LHFPL6: variants seen among roughly 807,000 people sequenced by gnomAD.
LHFPL6 encodes LHFPL tetraspan subfamily member 6.
In LHFPL6, 9 loss-of-function variants were observed where a neutral mutation model predicts 20.6. The ratio of observed to expected loss-of-function variants is 0.44; its 90% CI spans 0.26 to 0.76. The LOEUF is 0.76. LHFPL6 is among the 30% of genes least tolerant of loss of function. The pLI is 0.20. For synonymous variants in LHFPL6, 105 were observed against 98.7 expected (o/e 1.06, Z -0.38); for missense variants, 218 against 253.5 (o/e 0.86, Z 0.95).
chr13:39,357,121 G>A (rs1460402605), intron 3 of LHFPL6, among the ~76,000 whole-genome samples: 3 of 152,128 alleles, frequency 2.0e-5, no homozygotes, highest in East Asian at 1.9e-4. Context: ...GCAGTGAGCC[G>A]AGATGGTGCC....
chr13:39,520,684 C>T (rs954381038), intron 2 of LHFPL6, among the ~76,000 whole-genome samples: 13 of 152,110 alleles, frequency 8.5e-5, no homozygotes, highest in Admixed American at 4.6e-4. Context: ...AGCCATGTCA[C>T]GGCCAGACAA....
chr13:39,379,782 T>C (rs1254945935), intron 2 of LHFPL6, among the ~76,000 whole-genome samples: 2 of 152,230 alleles, frequency 1.3e-5, no homozygotes, highest in Non-Finnish European at 1.5e-5. Context: ...CCCATCCTGA[T>C]ACATTTCCTA....
chr13:39,433,554 C>T (rs1047917477), intron 2 of LHFPL6, among the ~76,000 whole-genome samples: 3 of 152,154 alleles, frequency 2.0e-5, no homozygotes, highest in Non-Finnish European at 4.4e-5. Context: ...TGGACATGTA[C>T]ATCTGTTCAA....
chr13:39,429,855 A>C (rs1871740442), intron 2 of LHFPL6, among the ~76,000 whole-genome samples: 1 of 152,188 alleles, frequency 6.6e-6, no homozygotes, highest in African/African-American at 2.4e-5. Flanking sequence ...AATTTTCATT[A>C]AACTTGACCT....
chr13:39,559,281 G>T lies in LHFPL6; in HGVS notation c.385+41551C>A, dbSNP rs1397104939. 3.3e-5 allele frequency among the ~76,000 whole-genome samples: 5 copies of T among 152,326 alleles called. No individual in the cohort carries two copies. In the East Asian group the frequency reaches 7.7e-4, roughly 24 times the overall value. ...CCACAGGCTCCATTCTTTAGGCTGGGATTCAGAGGCAGCGGCTAGTGTCAA... is the reference window on the plus strand; with the variant it reads ...CCACAGGCTCCATTCTTTAGGCTGGTATTCAGAGGCAGCGGCTAGTGTCAA... On this transcript the variant is annotated intron_variant, in intron 2 of 3. Transcript: ENST00000379589.
intron 2 of LHFPL6, among the ~76,000 whole-genome samples, chr13:39,519,249 T>A (rs201959365): frequency 4.3e-4 from 57 of 131,916 alleles, no homozygotes; most frequent in South Asian, 7.3e-4. Flanking sequence ...AAAATAAAAA[T>A]AAAAAAAAAA....
At chr13:39,497,117 A>G (rs1444172451) in intron 2 of LHFPL6, among the ~76,000 whole-genome samples, 1 of 152,240 alleles carries the variant, frequency 6.6e-6, no homozygotes, top group African/African-American at 2.4e-5. Flanking sequence ...GAGCAAGTAA[A>G]CTACACTCAA....
At chr13:39,359,426 A>C (rs1301571492) in intron 3 of LHFPL6, among the ~76,000 whole-genome samples, 1 of 152,194 alleles carries the variant, frequency 6.6e-6, no homozygotes, top group African/African-American at 2.4e-5. Context: ...GTGCCCATCC[A>C]TGGTGGATTG....
chr13:39,525,739 T>C (rs1171566005), intron 2 of LHFPL6, among the ~76,000 whole-genome samples: 4 of 152,210 alleles, frequency 2.6e-5, no homozygotes, highest in African/African-American at 9.6e-5. Context: ...TTCCCTTTTT[T>C]AAGCTCATCC....
intron 2 of LHFPL6, among the ~76,000 whole-genome samples, chr13:39,447,667 T>C (rs1431937613): frequency 6.6e-6 from 1 of 152,186 alleles, no homozygotes; most frequent in Non-Finnish European, 1.5e-5. Flanking sequence ...GGCTCAGTCT[T>C]ACCCATCCAC....
chr13:39,481,827 G>A (rs1402183832), intron 2 of LHFPL6, among the ~76,000 whole-genome samples: 1 of 152,144 alleles, frequency 6.6e-6, no homozygotes, highest in Non-Finnish European at 1.5e-5. Flanking sequence ...GATATCATCT[G>A]AGTACTTGCT....
At chr13:39,364,152 A>G (rs1416549620) in intron 3 of LHFPL6, among the ~76,000 whole-genome samples, 1 of 152,196 alleles carries the variant, frequency 6.6e-6, no homozygotes, top group Non-Finnish European at 1.5e-5. Flanking sequence ...AGATCGTTAG[A>G]AAACAAAAGG....
intron 2 of LHFPL6, among the ~76,000 whole-genome samples, chr13:39,590,389 T>C (rs1245743903): frequency 6.6e-6 from 1 of 152,228 alleles, no homozygotes; most frequent in Non-Finnish European, 1.5e-5. Flanking sequence ...CAAGTGCTTC[T>C]CAAACATACT....
At chr13:39,416,731 TTG>T (rs1359721690) in intron 2 of LHFPL6, among the ~76,000 whole-genome samples, 1 of 152,214 alleles carries the variant, frequency 6.6e-6, no homozygotes, top group Non-Finnish European at 1.5e-5. Flanking sequence ...TATAAAGTCA[TTG>T]TGCAGTTTTT....
chr13:39,471,378 G>A (rs1872939945), intron 2 of LHFPL6, among the ~76,000 whole-genome samples: 1 of 152,126 alleles, frequency 6.6e-6, no homozygotes, highest in East Asian at 1.9e-4. Flanking sequence ...ATTTTCTCCT[G>A]GAAGATATTA....
At chr13:39,396,255 T>C (rs1192981011) in intron 2 of LHFPL6, among the ~76,000 whole-genome samples, 1 of 152,134 alleles carries the variant, frequency 6.6e-6, no homozygotes, top group Non-Finnish European at 1.5e-5. Context: ...CTGATGGGGC[T>C]GCACCTGATA....
chr13:39,351,716 A>G (rs550001479), intron 3 of LHFPL6, among the ~76,000 whole-genome samples: 3 of 152,250 alleles, frequency 2.0e-5, no homozygotes, highest in Non-Finnish European at 4.4e-5. Context: ...AGGAGTACGC[A>G]CCCGTAATAA....
intron 2 of LHFPL6, among the ~76,000 whole-genome samples, chr13:39,479,034 T>TATAGATAGATAGATAG (rs34879497): frequency 9.9e-4 from 142 of 144,056 alleles, no homozygotes; most frequent in Admixed American, 1.5e-3. Context: ...GGGAGATAGA[T>TATAGATAGATAGATAG]ATAGATAGAT....
At chr13:39,363,529 A>G (rs1172081239) in intron 3 of LHFPL6, among the ~76,000 whole-genome samples, 1 of 152,194 alleles carries the variant, frequency 6.6e-6, no homozygotes, top group African/African-American at 2.4e-5. Context: ...TTACAAAAAC[A>G]TGCAAACTAG....
Sources: allele counts gnomAD v4.1 joint callset (sites outside exome capture counted in the v4.1 genomes callset), GRCh38; gene constraint gnomAD v4.1.1; transcripts MANE v1.5; gene names NCBI Gene and HGNC (gene_info 2026-07-23, HGNC 2026-07-21).